The following SMOC2 variants were observed in gnomAD, a reference collection of about 807,000 sequenced individuals.
The protein encoded by SMOC2 is SPARC-related modular calcium-binding protein 2.
A neutral mutation model predicts 61.4 loss-of-function variants in SMOC2; 39 were observed. The observed-to-expected ratio is 0.64, with a 90% CI of 0.49 to 0.83. The LOEUF (loss-of-function observed/expected upper bound fraction) is 0.83. SMOC2 is among the 40% of genes least tolerant of loss of function. The probability of loss-of-function intolerance (pLI) is 0.00; values close to 1 mark genes in which losing one functional copy is unlikely to be tolerated. For missense variants in SMOC2, 556 were observed against 592.9 expected (o/e 0.94, Z 0.65); for synonymous variants, 247 against 239.9 (o/e 1.03, Z -0.27).
chr6:168,564,319 G>A (rs895530416), intron 7 of SMOC2, among the ~76,000 whole-genome samples: 26 of 152,098 alleles, frequency 1.7e-4, no homozygotes, highest in African/African-American at 5.8e-4. Context: ...CCATCTGCAT[G>A]CCTGTGTGTG....
intron 9 of SMOC2, among the ~76,000 whole-genome samples, chr6:168,631,965 G>T (rs1786581561): frequency 6.6e-6 from 1 of 152,180 alleles, no homozygotes; most frequent in Non-Finnish European, 1.5e-5. Context: ...CTCAACCAGG[G>T]ATCCGAGCAG....
intron 1 of SMOC2, among the ~76,000 whole-genome samples, chr6:168,484,124 C>T (rs1349527420): frequency 6.6e-6 from 1 of 151,990 alleles, no homozygotes; most frequent in Non-Finnish European, 1.5e-5. Context: ...ATTGGTGTAT[C>T]AAAAGACACT....
At chr6:168,443,934 T>C (rs973502441) in intron 1 of SMOC2, among the ~76,000 whole-genome samples, 1 of 152,198 alleles carries the variant, frequency 6.6e-6, no homozygotes, top group African/African-American at 2.4e-5. Flanking sequence ...CTTTCAAGCA[T>C]GTGGTGAGGA....
intron 7 of SMOC2, among the ~76,000 whole-genome samples, chr6:168,554,641 C>T (rs1784205374): frequency 1.3e-5 from 2 of 152,218 alleles, no homozygotes; most frequent in Admixed American, 6.5e-5. Flanking sequence ...CGTGGGACCA[C>T]ACACAGTCCT....
At chr6:168,639,293 T>G (rs538946167) in intron 9 of SMOC2, among the ~76,000 whole-genome samples, 1 of 152,338 alleles carries the variant, frequency 6.6e-6, no homozygotes, top group East Asian at 1.9e-4. Context: ...CGACCTTCTG[T>G]TGCTCAGATT....
chr6:168,548,573 C>T (rs984849289), intron 6 of SMOC2, among the ~76,000 whole-genome samples: 1 of 151,130 alleles, frequency 6.6e-6, no homozygotes, highest in Non-Finnish European at 1.5e-5. Context: ...ACCATGTTGG[C>T]CAGGCTGGTC....
chr6:168,503,065 CTTTTTTTT>C (rs762736911), intron 1 of SMOC2, among the ~76,000 whole-genome samples: 1 of 47,824 alleles, frequency 2.1e-5, no homozygotes, highest in Non-Finnish European at 3.5e-5. Context: ...CGTGCCTGGC[CTTTTTTTT>C]TTTTTTTTTT....
intron 1 of SMOC2, among the ~76,000 whole-genome samples, chr6:168,468,386 C>G (rs1255670179): frequency 6.6e-6 from 1 of 152,202 alleles, no homozygotes; most frequent in Non-Finnish European, 1.5e-5. Flanking sequence ...CCAAGGGAAT[C>G]CCCCCATTCA....
At chr6:168,512,471 C>G (rs1333924352) in intron 2 of SMOC2, among the ~76,000 whole-genome samples, 1 of 152,172 alleles carries the variant, frequency 6.6e-6, no homozygotes, top group East Asian at 1.9e-4. Context: ...GAAAATGGAA[C>G]TTTAATTCAC....
intron 1 of SMOC2, among the ~76,000 whole-genome samples, chr6:168,454,806 C>T (rs1196310164): frequency 6.6e-6 from 1 of 152,260 alleles, no homozygotes; most frequent in Non-Finnish European, 1.5e-5. Flanking sequence ...TACACCTGTA[C>T]TGGCCATGTG....
intron 6 of SMOC2, among the ~76,000 whole-genome samples, chr6:168,548,348 T>C (rs1244950672): frequency 7.5e-6 from 1 of 132,562 alleles, no homozygotes; most frequent in African/African-American, 3.5e-5. Context: ...CTGCACTACA[T>C]TCCTTTTTTT....
intron 8 of SMOC2, among the ~76,000 whole-genome samples, chr6:168,605,502 T>C (rs1052045972): frequency 3.3e-5 from 5 of 152,182 alleles, no homozygotes; most frequent in Non-Finnish European, 7.3e-5. Context: ...TCTCTTGAGA[T>C]TGTCAATTCT....
intron 7 of SMOC2, among the ~76,000 whole-genome samples, chr6:168,597,852 G>T (rs1785371040): frequency 6.6e-6 from 1 of 152,154 alleles, no homozygotes; most frequent in African/African-American, 2.4e-5. Flanking sequence ...GGGCCAGTCA[G>T]GAGGCGGTTG....
intron 9 of SMOC2, among the ~76,000 whole-genome samples, chr6:168,642,168 C>G (rs1000701989): frequency 6.6e-6 from 1 of 152,146 alleles, no homozygotes; most frequent in Non-Finnish European, 1.5e-5. Context: ...GGCAACCGCC[C>G]AAGCCGGAGT....
At chr6:168,599,141 CCACA>C (rs1040129469) in intron 8 of SMOC2, 137 bp downstream of exon 8, 2 of 789,654 alleles carry the variant, frequency 2.5e-6, no homozygotes, top group Non-Finnish European at 3.9e-6. Flanking sequence ...CACACTGATA[CCACA>C]CACATACCCA....
At chr6:168,612,446 G>C (rs1785902547) in intron 9 of SMOC2, among the ~76,000 whole-genome samples, 1 of 145,876 alleles carries the variant, frequency 6.9e-6, no homozygotes, top group South Asian at 2.3e-4. Context: ...CTGGGTTCGT[G>C]ATCTCCATCG....
intron 1 of SMOC2, among the ~76,000 whole-genome samples, chr6:168,459,350 G>A (rs540871780): frequency 1.6e-4 from 25 of 152,156 alleles, no homozygotes; most frequent in African/African-American, 3.6e-4. Context: ...CTGGGCCATC[G>A]GCAGGAAGCG....
intron 9 of SMOC2, among the ~76,000 whole-genome samples, chr6:168,637,000 T>A: frequency 6.9e-6 from 1 of 145,442 alleles, no homozygotes; most frequent in South Asian, 2.3e-4. Context: ...CCCGCCTCCC[T>A]CACTCATTCC....
At chr6:168,605,748 A>G (rs902148077) in intron 8 of SMOC2, among the ~76,000 whole-genome samples, 2 of 152,206 alleles carry the variant, frequency 1.3e-5, no homozygotes, top group African/African-American at 4.8e-5. Context: ...GGATACAGGT[A>G]CTGATCCTGA....
Sources: gnomAD v4.1 joint callset for allele counts (sites outside exome capture counted in the v4.1 genomes callset) on GRCh38, gnomAD v4.1.1 for gene constraint, MANE v1.5 for transcripts, NCBI Gene and HGNC (gene_info 2026-07-23, HGNC 2026-07-21) for gene names.